Variants in ELAPOR1 observed in about 807,000 individuals in gnomAD.
The protein encoded by ELAPOR1 is endosome-lysosome associated apoptosis and autophagy regulator 1.
ELAPOR1 carries 77 observed loss-of-function variants against 119.7 expected under a neutral mutation model. The ratio of observed to expected loss-of-function variants is 0.64; its 90% confidence interval spans 0.54 to 0.78. The LOEUF is 0.78. ELAPOR1 is among the 30% of genes least tolerant of loss of function. The probability of loss-of-function intolerance (pLI) is 0.00; values close to 1 mark genes in which losing one functional copy is unlikely to be tolerated. For missense variants in ELAPOR1, 1,115 were observed against 1,270.4 expected, an observed-to-expected ratio of 0.88 and a Z score of 1.86; for synonymous variants, 481 against 487.2, an observed-to-expected ratio of 0.99 and a Z score of 0.17.
At chr1:109,115,679 C>A (rs564429534) in intron 1 of ELAPOR1, among the ~76,000 whole-genome samples, 37 of 152,226 alleles carry the variant, frequency 2.4e-4, no homozygotes, top group African/African-American at 7.7e-4. Flanking sequence ...TACAGCACAG[C>A]AGGTCATAAA....
intron 7 of ELAPOR1, among the ~76,000 whole-genome samples, chr1:109,174,465 G>C (rs1221366163): frequency 1.7e-5 from 2 of 115,900 alleles, no homozygotes; most frequent in African/African-American, 6.0e-5. Flanking sequence ...AATAAATATT[G>C]AGCCTCTCCT....
At chr1:109,152,204 GCTTTTTA>G (rs1190074781) in intron 1 of ELAPOR1, among the ~76,000 whole-genome samples, 3 of 152,112 alleles carry the variant, frequency 2.0e-5, no homozygotes, top group Non-Finnish European at 4.4e-5. Context: ...CGAAGAATCT[GCTTTTTA>G]GGGACTATGA....
chr1:109,188,302 C>G lies in ELAPOR1; in HGVS notation c.1167C>G (p.Thr389=), dbSNP rs540533374. 1 of 1,614,184 alleles carries G rather than the reference C, an allele frequency of 6.2e-7. No individual in the cohort carries two copies. Among genetic ancestry groups the G allele is most frequent in the Admixed American group, 1.7e-5 (1 of 60,026 alleles). ...CPPCNPGFFK[T]NNSTCQPCPY... Reference sequence around the variant, plus strand: ...CCTGCAACCCAGGCTTCTTCAAAACCAACAACAGCACCTGCCAGCCCTGCC... The same window carrying G: ...CCTGCAACCCAGGCTTCTTCAAAACGAACAACAGCACCTGCCAGCCCTGCC... Residue 389 remains threonine (T), a synonymous_variant, in exon 9 of 22, where the codon ACC becomes ACG. Transcript: ENST00000369939.
intron 1 of ELAPOR1, among the ~76,000 whole-genome samples, chr1:109,151,872 CTT>C (rs550341597): frequency 0.53 from 64,361 of 120,688 alleles, 17,112 homozygotes; most frequent in East Asian, 0.87. Flanking sequence ...CAGCCTCATC[CTT>C]TTTTTTTTTT....
chr1:109,198,038 G>A lies in ELAPOR1; in HGVS notation c.2362G>A (p.Glu788Lys), dbSNP rs752953384. ...CTCCCCAGCTGAACTTTTCCACCTGGAGTCCTTGGGAATACCGGACGTGAT... is the reference window on the plus strand; with the variant it reads ...CTCCCCAGCTGAACTTTTCCACCTGAAGTCCTTGGGAATACCGGACGTGAT... ...ITSPAELFHLESLGIPDVIFF... is the reference protein window; with the variant it reads ...ITSPAELFHLKSLGIPDVIFF... Residue 788 changes from glutamate (E) to lysine (K), a missense_variant, in exon 17 of 22, where the codon GAG becomes AAG. By Grantham distance (56) the Glu-to-Lys change is moderately conservative. Transcript: ENST00000369939. 37 of 1,613,940 alleles carry A rather than the reference G, an allele frequency of 2.3e-5. No individual in the cohort carries two copies. In the South Asian group the frequency reaches 2.4e-4, roughly 11 times the overall value.
intron 15 of ELAPOR1, among the ~76,000 whole-genome samples, chr1:109,194,823 G>T (rs1287517669): frequency 6.6e-6 from 1 of 152,168 alleles, no homozygotes. Context: ...TGTTCTTGCC[G>T]GGTGCCTGGT....
chr1:109,129,996 C>T (rs996878515), intron 1 of ELAPOR1, among the ~76,000 whole-genome samples: 6 of 152,018 alleles, frequency 3.9e-5, no homozygotes, highest in Non-Finnish European at 7.4e-5. Context: ...CTTGCCTCTT[C>T]CAGCCTCTGG....
At position 109,205,151 on chromosome 1, in the gene ELAPOR1, T is replaced by A. The variant is rs987641648; in HGVS notation, c.*2139T>A. On this transcript the variant is annotated 3_prime_UTR_variant, in exon 22 of 22. Transcript: ENST00000369939. ...GTAAAACCAGAGCAAGACTTTAAAT[T>A]ACCTTCTTCTTTCTTCTACTGGCAG... The A allele has an allele frequency of 1.3e-5, 2 of 152,178 alleles. No homozygotes were observed. The highest frequency in any genetic ancestry group is 4.8e-5 in the African/African-American group (2 of 41,438). The allele number at this position is 152,178 out of a possible 1,614,324, so 9.4% of individuals were successfully genotyped here. A position where few individuals can be genotyped will look rare whatever the true frequency, so the allele number is the denominator to read the frequency against.
chr1:109,127,003 A>C (rs1321097933), intron 1 of ELAPOR1, among the ~76,000 whole-genome samples: 3 of 151,284 alleles, frequency 2.0e-5, no homozygotes, highest in African/African-American at 4.9e-5. Context: ...AACAAGTCAA[A>C]CTCTTCCTTT....
chr1:109,172,438 C>A, intron 4 of ELAPOR1, 50 bp from the exon 5 acceptor site: 3 of 1,349,070 alleles, frequency 2.2e-6, no homozygotes, highest in South Asian at 1.2e-5. Flanking sequence ...GGAAAGGTAT[C>A]CATTTCCTTA....
At chr1:109,162,418 A>G (rs1256168147) in intron 2 of ELAPOR1, among the ~76,000 whole-genome samples, 1 of 152,214 alleles carries the variant, frequency 6.6e-6, no homozygotes, top group Non-Finnish European at 1.5e-5. Context: ...AAAGGAAGTC[A>G]GAGAGGCTAA....
At chr1:109,197,675 A>G (rs1235957434) in intron 16 of ELAPOR1, 21 bp downstream of exon 16, 6 of 1,531,872 alleles carry the variant, frequency 3.9e-6, no homozygotes, top group Non-Finnish European at 5.3e-6. Flanking sequence ...CCGCTGCCTC[A>G]GCCTTGTTTG....
Position 109,171,956 on chromosome 1 carries a change from T to C in ELAPOR1, c.558T>C (p.Ser186=), listed in dbSNP as rs773335110. The C allele has an allele frequency of 1.2e-6, 2 of 1,614,192 alleles. No homozygotes were observed. Among genetic ancestry groups the C allele is most frequent in the Admixed American group, 3.3e-5 (2 of 60,014 alleles). Residue 186 remains serine, a synonymous_variant, in exon 4 of 22, where the codon TCT becomes TCC. Coordinates refer to ENST00000369939, the MANE Select transcript of ELAPOR1 (RefSeq NM_020775.5). The part of the protein sequence containing the change: ...TLMYAVNLKQ[S]GTVNFEYYYP... ...TGTACGCCGTCAACCTGAAGCAATCTGGCACCGTTAACTTCGAATACTACT... is the reference window on the plus strand; with the variant it reads ...TGTACGCCGTCAACCTGAAGCAATCCGGCACCGTTAACTTCGAATACTACT...
chr1:109,152,641 A>G (rs1386987297), intron 1 of ELAPOR1, among the ~76,000 whole-genome samples: 1 of 152,126 alleles, frequency 6.6e-6, no homozygotes, highest in Non-Finnish European at 1.5e-5. Context: ...TATAAATTTT[A>G]CCTTTTAAAA....
Position 109,199,910 on chromosome 1 carries a change from C to T in ELAPOR1, c.2558C>T (p.Ala853Val), listed in dbSNP as rs139753360. 2.7e-5 allele frequency: 43 copies of T among 1,613,822 alleles called. No individual in the cohort carries two copies. Among genetic ancestry groups the T allele is most frequent in the Admixed American group, 1.2e-4 (7 of 60,024 alleles). Residue 853 changes from alanine (A) to valine (V), a missense_variant, in exon 19 of 22, where the codon GCG (alanine) becomes GTG (valine). Ala to Val is a moderately conservative substitution (Grantham distance 64). Coordinates refer to ENST00000369939, the MANE Select transcript of ELAPOR1 (RefSeq NM_020775.5). Reference sequence around the variant, plus strand: ...AACTTCCACTTCCTGTGGGAGAGCGCGGCTGCTTGCCCGCTCTGCTCAGTG... The same window carrying T: ...AACTTCCACTTCCTGTGGGAGAGCGTGGCTGCTTGCCCGCTCTGCTCAGTG... ...GCNFHFLWESAAACPLCSVAD... is the reference protein window; with the variant it reads ...GCNFHFLWESVAACPLCSVAD...
chr1:109,191,220 G>A, intron 11 of ELAPOR1, 146 bp from the exon 12 acceptor site: 1 of 583,526 alleles, frequency 1.7e-6, no homozygotes, highest in Non-Finnish European at 3.1e-6. Flanking sequence ...CACATAGCTA[G>A]GAGGGCAGAA....
intron 14 of ELAPOR1, 80 bp from the exon 15 acceptor site, chr1:109,194,341 G>T: frequency 1.5e-6 from 2 of 1,333,598 alleles, no homozygotes; most frequent in Non-Finnish European, 2.1e-6. Flanking sequence ...ACCAGACGGG[G>T]GAGAAAACTG....
chr1:109,127,667 A>G (rs1216848800), intron 1 of ELAPOR1, among the ~76,000 whole-genome samples: 1 of 152,092 alleles, frequency 6.6e-6, no homozygotes, highest in Non-Finnish European at 1.5e-5. Flanking sequence ...TCTGGGCTCA[A>G]GTGATCCCTC....
intron 1 of ELAPOR1, among the ~76,000 whole-genome samples, chr1:109,127,205 TTTTTC>T (rs1446174774): frequency 8.6e-5 from 13 of 150,690 alleles, no homozygotes; most frequent in Admixed American, 8.0e-4. Context: ...CTAATTCTTT[TTTTTC>T]TTTTCTTTTT....
Sources: allele counts gnomAD v4.1 joint callset (sites outside exome capture counted in the v4.1 genomes callset), GRCh38; gene constraint gnomAD v4.1.1; transcripts MANE v1.5; gene names NCBI Gene and HGNC (gene_info 2026-07-23, HGNC 2026-07-21).